The following GRIN2A variants were observed in gnomAD, a reference collection of about 807,000 sequenced individuals.
The protein encoded by GRIN2A is glutamate receptor ionotropic, NMDA 2A.
GRIN2A carries 22 observed loss-of-function variants against 113.4 expected under a neutral mutation model. The observed-to-expected ratio is 0.19, with a 90% CI of 0.14 to 0.28. The LOEUF (loss-of-function observed/expected upper bound fraction) is 0.28. Ranked by LOEUF, GRIN2A falls within the 10% of genes least tolerant of loss-of-function variation. The probability of loss-of-function intolerance (pLI) is 1.00; values close to 1 mark genes in which losing one functional copy is unlikely to be tolerated. For missense variants in GRIN2A, 1,502 were observed against 1,887.0 expected, an observed-to-expected ratio of 0.80 and a Z score of 3.78; for synonymous variants, 827 against 738.4, an observed-to-expected ratio of 1.12 and a Z score of -1.94.
At chr16:9,901,014 G>GA (rs1274819797) in intron 3 of GRIN2A, among the ~76,000 whole-genome samples, 1 of 152,206 alleles carries the variant, frequency 6.6e-6, no homozygotes, top group Non-Finnish European at 1.5e-5. Flanking sequence ...TATAGAATGA[G>GA]ATGATATGGA....
chr16:10,095,086 T>TTC (rs147451089), intron 2 of GRIN2A, among the ~76,000 whole-genome samples: 98 of 150,052 alleles, frequency 6.5e-4, no homozygotes, highest in Non-Finnish European at 8.5e-4. Context: ...GAAGAGAGAT[T>TTC]TCTCTCTCTC....
At chr16:10,005,832 G>A (rs1596408940) in intron 2 of GRIN2A, among the ~76,000 whole-genome samples, 1 of 152,164 alleles carries the variant, frequency 6.6e-6, no homozygotes, top group East Asian at 1.9e-4. Context: ...TTTTCATCCA[G>A]TGAAATGACA....
At chr16:10,178,525 C>A (rs566736898) in intron 2 of GRIN2A, among the ~76,000 whole-genome samples, 71 of 152,314 alleles carry the variant, frequency 4.7e-4, no homozygotes, top group Non-Finnish European at 8.1e-4. Flanking sequence ...TCAGTGGTGG[C>A]AGAGCATGGC....
chr16:9,762,989 G>T lies in GRIN2A; in HGVS notation c.*160C>A. On this transcript the variant is annotated 3_prime_UTR_variant, in exon 13 of 13. Coordinates refer to ENST00000330684, the MANE Select transcript of GRIN2A (RefSeq NM_001134407.3). ...AAGATTCCTTGAGTGGAAGATTATG[G>T]CATGAAGCCGTGTGCAAAAGAGCCA... 2 of 699,880 alleles carry T rather than the reference G, an allele frequency of 2.9e-6. No homozygotes were observed. Among genetic ancestry groups the T allele is most frequent in the Admixed American group, 2.4e-5 (1 of 42,048 alleles). The allele number at this position is 699,880 out of a possible 1,614,324, so 43.4% of individuals were successfully genotyped here.
At chr16:9,899,031 G>A (rs1425232870) in intron 3 of GRIN2A, among the ~76,000 whole-genome samples, 3 of 151,934 alleles carry the variant, frequency 2.0e-5, no homozygotes, top group African/African-American at 4.8e-5. Flanking sequence ...TCTTTTGACG[G>A]CAGCACCTTC....
intron 7 of GRIN2A, among the ~76,000 whole-genome samples, chr16:9,837,861 G>A (rs1470074889): frequency 6.6e-6 from 1 of 152,098 alleles, no homozygotes; most frequent in East Asian, 1.9e-4. Context: ...TATTTGTCAG[G>A]GTCCACATTA....
chr16:10,084,708 A>T (rs564779239), intron 2 of GRIN2A, among the ~76,000 whole-genome samples: 1 of 149,828 alleles, frequency 6.7e-6, no homozygotes, highest in East Asian at 2.0e-4. Flanking sequence ...CTTTTCTAGT[A>T]TGATTTTTCA....
chr16:10,099,822 C>A (rs1056938282), intron 2 of GRIN2A, among the ~76,000 whole-genome samples: 2 of 152,182 alleles, frequency 1.3e-5, no homozygotes, highest in African/African-American at 4.8e-5. Context: ...TTATTCCAAA[C>A]ACCAGTACTG....
intron 2 of GRIN2A, among the ~76,000 whole-genome samples, chr16:10,150,421 G>GT (rs2142289923): frequency 6.6e-6 from 1 of 152,226 alleles, no homozygotes; most frequent in South Asian, 2.1e-4. Context: ...TCTTGACCTG[G>GT]TATCTCCTGT....
intron 11 of GRIN2A, among the ~76,000 whole-genome samples, chr16:9,772,499 G>C (rs1901333539): frequency 6.6e-6 from 1 of 152,146 alleles, no homozygotes. Flanking sequence ...AGCCTCCGAA[G>C]TAGTTGGGAC....
intron 2 of GRIN2A, among the ~76,000 whole-genome samples, chr16:9,968,201 T>G (rs2045594762): frequency 1.3e-5 from 2 of 152,190 alleles, no homozygotes; most frequent in South Asian, 4.1e-4. Context: ...CTCTCTAGGC[T>G]TTGTATTGCT....
chr16:9,930,338 C>A (rs1242463862), intron 3 of GRIN2A, among the ~76,000 whole-genome samples: 1 of 152,164 alleles, frequency 6.6e-6, no homozygotes, highest in African/African-American at 2.4e-5. Flanking sequence ...AATGGAGGCT[C>A]AAAGAAGTTA....
intron 2 of GRIN2A, among the ~76,000 whole-genome samples, chr16:10,042,727 G>T (rs1364671510): frequency 6.6e-6 from 1 of 152,164 alleles, no homozygotes; most frequent in Non-Finnish European, 1.5e-5. Flanking sequence ...TATATTAAGA[G>T]GAATCTGCTG....
chr16:9,888,576 T>C (rs1164687148), intron 4 of GRIN2A, among the ~76,000 whole-genome samples: 6 of 152,034 alleles, frequency 3.9e-5, no homozygotes, highest in Admixed American at 3.3e-4. Flanking sequence ...ATCATTTGAA[T>C]GTGCCTATGT....
chr16:9,850,009 T>C, intron 4 of GRIN2A, 48 bp from the exon 5 acceptor site: 1 of 1,521,292 alleles, frequency 6.6e-7, no homozygotes, highest in Non-Finnish European at 9.1e-7. Context: ...CCGCCGCTGA[T>C]TTCTGGAGAG....
At chr16:9,813,264 T>C (rs536329000) in intron 10 of GRIN2A, among the ~76,000 whole-genome samples, 145 of 152,316 alleles carry the variant, frequency 9.5e-4, no homozygotes, top group African/African-American at 3.2e-3. Flanking sequence ...CTACTTTAAT[T>C]GAGAAAAGCA....
intron 12 of GRIN2A, among the ~76,000 whole-genome samples, chr16:9,767,523 T>G (rs1410676236): frequency 1.3e-5 from 2 of 149,342 alleles, no homozygotes; most frequent in Non-Finnish European, 3.0e-5. Flanking sequence ...AACCAAAGAG[T>G]TTTCACCATT....
intron 4 of GRIN2A, among the ~76,000 whole-genome samples, chr16:9,872,148 G>T (rs1480747380): frequency 3.3e-5 from 5 of 152,168 alleles, no homozygotes; most frequent in Admixed American, 6.5e-5. Context: ...ACCCCAAGGG[G>T]TGGGTATTAT....
rs1340454459 is a variant in GRIN2A, at chr16:9,769,113, G to T, written c.2357-24C>A. 1.1e-5 allele frequency: 17 copies of T among 1,567,792 alleles called. No homozygotes were observed. The Admixed American group carries it at 2.8e-4, about 26-fold the overall frequency. ...ACCTGGACAGATCACAACATTCACAGGCAGTGAGGACCAGAACATGCACTT... is the reference window on the plus strand; with the variant it reads ...ACCTGGACAGATCACAACATTCACATGCAGTGAGGACCAGAACATGCACTT... On this transcript the variant is annotated intron_variant, in intron 11 of 12. Coordinates refer to ENST00000330684, the MANE Select transcript of GRIN2A (RefSeq NM_001134407.3).
Sources: gnomAD v4.1 joint callset for allele counts (sites outside exome capture counted in the v4.1 genomes callset) on GRCh38, gnomAD v4.1.1 for gene constraint, MANE v1.5 for transcripts, NCBI Gene and HGNC (gene_info 2026-07-23, HGNC 2026-07-21) for gene names.